The following AATF variants were observed in gnomAD, a reference collection of about 807,000 sequenced individuals.
The protein encoded by AATF is apoptosis antagonizing transcription factor.
A neutral mutation model predicts 63.7 loss-of-function variants in AATF; 48 were observed. The observed-to-expected ratio is 0.75, with a 90% CI of 0.60 to 0.96. The LOEUF (loss-of-function observed/expected upper bound fraction) is 0.96, where lower values mean the gene tolerates loss of function less well. Ranked by LOEUF, AATF falls within the 40% of genes least tolerant of loss-of-function variation. The probability of loss-of-function intolerance (pLI) is 0.00; values close to 1 mark genes in which losing one functional copy is unlikely to be tolerated. For missense variants in AATF, 639 were observed against 685.7 expected (o/e 0.93, Z 0.76); for synonymous variants, 258 against 247.7 (o/e 1.04, Z -0.39).
chr17:37,032,149 TG>T (rs1367361818), intron 11 of AATF, among the ~76,000 whole-genome samples: 1 of 152,244 alleles, frequency 6.6e-6, no homozygotes, highest in Non-Finnish European at 1.5e-5. Context: ...AGAAAAAAAG[TG>T]TATGCTCATA....
rs943960332 is a variant in AATF, at chr17:37,048,720, G to A, written c.1620-7881G>A. Among the ~76,000 whole-genome samples, 17 of 152,072 alleles carry A rather than the reference G, an allele frequency of 1.1e-4. 1 individual carries two copies. Among genetic ancestry groups the A allele is most frequent in the African/African-American group, 1.4e-4 (6 of 41,394 alleles). On this transcript the variant is annotated intron_variant, in intron 11 of 11. Transcript: ENST00000619387. ...GTCACCTGTGTCTGAGCCCATTCCC[G>A]TGACATACATAGGGCTGCCCCTACC...
At chr17:36,969,865 G>C (rs1391059458) in intron 4 of AATF, among the ~76,000 whole-genome samples, 1 of 152,058 alleles carries the variant, frequency 6.6e-6, no homozygotes, top group South Asian at 2.1e-4. Context: ...CTATGGGTTA[G>C]TTTGCATTTT....
chr17:37,007,386 T>TTGTA (rs1368055754), intron 8 of AATF, among the ~76,000 whole-genome samples: 1 of 132,426 alleles, frequency 7.6e-6, no homozygotes, highest in African/African-American at 3.0e-5. Context: ...TTTTTTTTTT[T>TTGTA]AGCGACAGGT....
chr17:36,998,023 T>C (rs144321580), intron 8 of AATF, among the ~76,000 whole-genome samples: 8,294 of 152,150 alleles, frequency 0.055, 364 homozygotes, highest in African/African-American at 0.12. Flanking sequence ...AGCTAAGCTA[T>C]GAGGACACAA....
chr17:36,956,875 G>T lies in AATF; in HGVS notation c.832+2968G>T, dbSNP rs528906236. Among the ~76,000 whole-genome samples, 6 of 152,178 alleles carry T rather than the reference G, an allele frequency of 3.9e-5. No individual in the cohort carries two copies. In the East Asian group the frequency reaches 1.2e-3, roughly 29 times the overall value. On this transcript the variant is annotated intron_variant, in intron 4 of 11. Coordinates refer to ENST00000619387, the MANE Select transcript of AATF (RefSeq NM_012138.4). The stretch of plus-strand genomic sequence containing the variant: ...ACTTGTAGTCCCAGCTACTTGGGAG[G>T]TTGAGGCAGGAGAATCACTTGAACC...
rs146227726 is a variant in AATF, at chr17:37,041,705, A to G, written c.1619+10020A>G. Among the ~76,000 whole-genome samples the G allele has an allele frequency of 3.4e-4, 52 of 152,300 alleles. 1 individual carries two copies. In the East Asian group the frequency reaches 9.7e-3, roughly 28 times the overall value. On this transcript the variant is annotated intron_variant, in intron 11 of 11. Coordinates refer to ENST00000619387, the MANE Select transcript of AATF (RefSeq NM_012138.4). ...TTTTTAGTAGAGACGGGGTATTGCC[A>G]TGTTGGCCAGGCTGGTCGCGAACTC...
intron 11 of AATF, among the ~76,000 whole-genome samples, chr17:37,038,016 G>C (rs1174484713): frequency 6.6e-6 from 1 of 152,202 alleles, no homozygotes; most frequent in Non-Finnish European, 1.5e-5. Context: ...AAGCTGGACA[G>C]ATGCCTGGTT....
In AATF at chr17:37,043,839, C is replaced by G. The variant is rs925790993; in HGVS notation, c.1619+12154C>G. Among the ~76,000 whole-genome samples the G allele has an allele frequency of 8.5e-5, 13 of 152,190 alleles. No homozygotes were observed. The East Asian group carries it at 2.3e-3, about 27-fold the overall frequency. On this transcript the variant is annotated intron_variant, in intron 11 of 11. Coordinates refer to ENST00000619387, the MANE Select transcript of AATF (RefSeq NM_012138.4). ...TTTCTTTTACATAGTGAAAACAGGC[C>G]TCTTGTTCACTGGATTCTTGAGAAT...
chr17:37,020,651 T>A, intron 9 of AATF, among the ~76,000 whole-genome samples: 1 of 152,094 alleles, frequency 6.6e-6, no homozygotes, highest in Non-Finnish European at 1.5e-5. Context: ...ATCTGATGGG[T>A]TTGCCTGCAG....
chr17:36,982,255 G>T (rs1251807917), intron 4 of AATF, among the ~76,000 whole-genome samples: 3 of 144,652 alleles, frequency 2.1e-5, no homozygotes, highest in South Asian at 2.2e-4. Flanking sequence ...TTTTTGAGTA[G>T]GCTCAGTTTG....
At chr17:36,977,019 T>C (rs1035758383) in intron 4 of AATF, among the ~76,000 whole-genome samples, 1 of 152,034 alleles carries the variant, frequency 6.6e-6, no homozygotes, top group Non-Finnish European at 1.5e-5. Context: ...ATAAAGAAAA[T>C]GTTGTTTGAC....
chr17:36,953,814 G>T lies in AATF; in HGVS notation c.739G>T (p.Ala247Ser), dbSNP rs115760333. 2.7e-3 allele frequency: 4,389 copies of T among 1,614,080 alleles called. 11 individuals are homozygous for T. The highest frequency in any genetic ancestry group is 2.6e-3 in the Non-Finnish European group (3,127 of 1,180,008). ...GGAAGGAAGGATCAAACTACAAAAA[G>T]CTCTGTTGACCACCAACCAGCTTCC... ...LLEGRIKLQKALLTTNQLPQP... is the reference protein window; with the variant it reads ...LLEGRIKLQKSLLTTNQLPQP... Residue 247 changes from alanine to serine, a missense_variant, in exon 4 of 12, where the codon GCT (alanine) becomes TCT (serine). Physicochemically the swap from Ala to Ser is moderately conservative, Grantham distance 99. Transcript: ENST00000619387.
chr17:37,049,193 C>T lies in AATF; in HGVS notation c.1620-7408C>T, dbSNP rs1371518183. ...CAGAACCAACTCTGACAGCACCTTCCAGCCCCTCTGCATTTGTGATACCAT... is the reference window on the plus strand; with the variant it reads ...CAGAACCAACTCTGACAGCACCTTCTAGCCCCTCTGCATTTGTGATACCAT... On this transcript the variant is annotated intron_variant, in intron 11 of 11. Transcript: ENST00000619387. 2.0e-5 allele frequency among the ~76,000 whole-genome samples: 3 copies of T among 152,322 alleles called. No homozygotes were observed. The South Asian group carries it at 6.2e-4, about 32-fold the overall frequency.
At chr17:36,992,299 G>GA (rs58747435) in intron 8 of AATF, among the ~76,000 whole-genome samples, 8,658 of 152,012 alleles carry the variant, frequency 0.057, 370 homozygotes, top group African/African-American at 0.12. Context: ...GAGGGTATAG[G>GA]AAAAAAAGAT....
chr17:36,996,579 T>C (rs2071256727), intron 8 of AATF, among the ~76,000 whole-genome samples: 1 of 152,230 alleles, frequency 6.6e-6, no homozygotes, highest in Non-Finnish European at 1.5e-5. Context: ...AAGATTATTT[T>C]GTATACCATG....
intron 4 of AATF, among the ~76,000 whole-genome samples, chr17:36,957,928 A>C (rs7218038): frequency 0.041 from 6,265 of 152,200 alleles, 422 homozygotes; most frequent in African/African-American, 0.14. Context: ...TCAGAAACTA[A>C]ATGAATATCT....
At chr17:36,963,227 T>C (rs8078285) in intron 4 of AATF, among the ~76,000 whole-genome samples, 5,778 of 152,260 alleles carry the variant, frequency 0.038, 368 homozygotes, top group African/African-American at 0.13. Flanking sequence ...AGATGGCAGG[T>C]GGATTCTTTT....
At chr17:37,001,667 C>G (rs1274744399) in intron 8 of AATF, among the ~76,000 whole-genome samples, 1 of 152,076 alleles carries the variant, frequency 6.6e-6, no homozygotes, top group Non-Finnish European at 1.5e-5. Flanking sequence ...ACTAGAGATA[C>G]AAGGAAACTT....
Position 36,989,330 on chromosome 17 carries a change from G to C in AATF, c.1233G>C (p.Gln411His), listed in dbSNP as rs781608799. ...MDKERLLRRT[Q>H]TKRSVYRVLG... ...AAGAGAGATTACTTCGAAGGACACA[G>C]ACCAAGCGCTCTGTCTATCGAGTTC... The change falls in exon 7 of 12, where the codon CAG becomes CAC. Residue 411 changes from glutamine (Q) to histidine (H), a missense_variant. Gln to His is a conservative substitution (Grantham distance 24). Coordinates refer to ENST00000619387, the MANE Select transcript of AATF (RefSeq NM_012138.4). The C allele has an allele frequency of 6.2e-7, 1 of 1,614,132 alleles. No homozygotes were observed. The highest frequency in any genetic ancestry group is 1.1e-5 in the South Asian group (1 of 91,072).
Sources: gnomAD v4.1 joint callset for allele counts (sites outside exome capture counted in the v4.1 genomes callset) on GRCh38, gnomAD v4.1.1 for gene constraint, MANE v1.5 for transcripts, NCBI Gene and HGNC (gene_info 2026-07-23, HGNC 2026-07-21) for gene names.